MAST4: variants seen among roughly 807,000 people sequenced by gnomAD.
The protein encoded by MAST4 is microtubule associated serine/threonine kinase family member 4.
MAST4 carries 89 observed loss-of-function variants against 162.7 expected under a neutral mutation model. That is an observed-to-expected ratio of 0.55 (90% confidence interval 0.46 to 0.65). MAST4 has a LOEUF of 0.65. Among genes scored for constraint, MAST4 ranks in the 30% least tolerant of loss-of-function variants. The pLI is 0.00. For missense variants in MAST4, 3,153 were observed against 3,374.0 expected, an observed-to-expected ratio of 0.93 and a Z score of 1.62; for synonymous variants, 1,479 against 1,361.1, an observed-to-expected ratio of 1.09 and a Z score of -1.91.
chr5:66,760,228 G>C (rs1753782026), intron 2 of MAST4, among the ~76,000 whole-genome samples: 1 of 110,194 alleles, frequency 9.1e-6, no homozygotes, highest in Admixed American at 9.0e-5. Flanking sequence ...CGATTCTCCT[G>C]CCTCAGCCTC....
At chr5:66,969,511 A>T (rs1006048793) in intron 4 of MAST4, among the ~76,000 whole-genome samples, 3 of 152,206 alleles carry the variant, frequency 2.0e-5, no homozygotes, top group South Asian at 2.1e-4. Flanking sequence ...TGGTCCTAAG[A>T]GTGATGGGCA....
At chr5:66,700,055 G>A (rs1355171570) in intron 1 of MAST4, among the ~76,000 whole-genome samples, 2 of 148,292 alleles carry the variant, frequency 1.3e-5, no homozygotes, top group Non-Finnish European at 1.5e-5. Flanking sequence ...GACATTTTTG[G>A]TGTTGACTGC....
At chr5:66,913,720 G>A (rs1018214809) in intron 4 of MAST4, among the ~76,000 whole-genome samples, 2 of 152,268 alleles carry the variant, frequency 1.3e-5, no homozygotes, top group Admixed American at 6.5e-5. Context: ...CTAATCCAAA[G>A]TCACAAAGGT....
At position 66,652,193 on chromosome 5, in the gene MAST4, A is replaced by G. The variant is rs890236342; in HGVS notation, c.363+55175A>G. ...CAAAGAAGTTAAATTATTTGTTTCA[A>G]GCCCTGGGCACTAGCACACAATATA... is the stretch of plus-strand genomic sequence containing the variant. On this transcript the variant is annotated intron_variant, in intron 1 of 28. Transcript: ENST00000403625. 3.9e-5 allele frequency among the ~76,000 whole-genome samples: 6 copies of G among 152,292 alleles called. No individual in the cohort carries two copies. In the South Asian group the frequency reaches 1.2e-3, roughly 32 times the overall value.
intron 4 of MAST4, among the ~76,000 whole-genome samples, chr5:66,968,439 T>C (rs146978760): frequency 5.9e-5 from 9 of 152,326 alleles, no homozygotes; most frequent in African/African-American, 1.9e-4. Context: ...AAAACACACA[T>C]GCCATGTTGC....
chr5:66,870,149 A>G (rs182720059), intron 3 of MAST4, among the ~76,000 whole-genome samples: 60 of 152,256 alleles, frequency 3.9e-4, no homozygotes, highest in African/African-American at 1.4e-3. Context: ...AGGAGAGACC[A>G]CTCTTTTACA....
intron 10 of MAST4, among the ~76,000 whole-genome samples, chr5:67,109,047 T>G (rs953099966): frequency 1.3e-5 from 2 of 152,178 alleles, no homozygotes; most frequent in Non-Finnish European, 2.9e-5. Context: ...CAGATTCATC[T>G]GATTTTTTTC....
At chr5:67,027,116 A>G (rs1014260164) in intron 4 of MAST4, among the ~76,000 whole-genome samples, 1 of 152,174 alleles carries the variant, frequency 6.6e-6, no homozygotes, top group Non-Finnish European at 1.5e-5. Context: ...AAGGATATTT[A>G]TCTACATTTT....
At chr5:67,081,654 A>G (rs535482099) in intron 5 of MAST4, among the ~76,000 whole-genome samples, 5 of 152,318 alleles carry the variant, frequency 3.3e-5, no homozygotes, top group African/African-American at 1.2e-4. Context: ...CTTCACCACT[A>G]TGTAATATAT....
intron 4 of MAST4, chr5:67,002,027 T>C (rs945013360): frequency 4.6e-5 from 7 of 152,184 alleles, no homozygotes; most frequent in Non-Finnish European, 8.8e-5. Context: ...TAATATGTAA[T>C]TGTCCCTCTT....
intron 4 of MAST4, among the ~76,000 whole-genome samples, chr5:66,948,504 A>G (rs1216489782): frequency 2.0e-5 from 3 of 152,092 alleles, no homozygotes; most frequent in Non-Finnish European, 4.4e-5. Context: ...AAGCTTAGGT[A>G]GGGCACAGCA....
chr5:66,919,898 CT>C lies in MAST4; in HGVS notation c.674+19917del, dbSNP rs1764382303. On this transcript the variant is annotated intron_variant, in intron 4 of 28. Coordinates refer to ENST00000403625, the MANE Select transcript of MAST4 (RefSeq NM_001164664.2). ...TCGCTCTCTTTCTCTATTTTTCTCT[CT>C]CCTTCCTTCCTTCCTTCCTTCCTTC... Among the ~76,000 whole-genome samples the C allele has an allele frequency of 5.7e-3, 639 of 112,244 alleles. 9 individuals carry two copies. Among genetic ancestry groups the C allele is most frequent in the African/African-American group, 0.022 (615 of 27,374 alleles). 73.6% of individuals were successfully genotyped at this position (112,244 alleles called of 152,430 possible). A position where few individuals can be genotyped will look rare whatever the true frequency, so the allele number is the denominator to read the frequency against.
intron 4 of MAST4, among the ~76,000 whole-genome samples, chr5:66,924,656 G>A (rs1318036750): frequency 6.6e-6 from 1 of 152,150 alleles, no homozygotes; most frequent in Non-Finnish European, 1.5e-5. Flanking sequence ...GCCCCCCAAA[G>A]TGGTGGGATT....
rs988351603 is a variant in MAST4 at position 67,081,003 on chromosome 5, A to T, written c.764-9159A>T. 1.3e-3 allele frequency among the ~76,000 whole-genome samples: 170 copies of T among 132,058 alleles called. 1 individual carries two copies. Among genetic ancestry groups the T allele is most frequent in the Middle Eastern group, 3.7e-3 (1 of 268 alleles). The allele number at this position is 132,058 out of a possible 152,430, so 86.6% of individuals were successfully genotyped here. A position where few individuals can be genotyped will look rare whatever the true frequency, so the allele number is the denominator to read the frequency against. ...ATATATATAATTGTATATATTATAT[A>T]ATATAATATATAATTGTATATATTA... On this transcript the variant is annotated intron_variant, in intron 5 of 28. Transcript: ENST00000403625.
chr5:66,693,386 A>G (rs957808539), intron 1 of MAST4, among the ~76,000 whole-genome samples: 1 of 152,206 alleles, frequency 6.6e-6, no homozygotes, highest in African/African-American at 2.4e-5. Flanking sequence ...AGACTTTATT[A>G]TTTATCTTTG....
chr5:67,154,543 T>C (rs1265713983), intron 26 of MAST4, among the ~76,000 whole-genome samples: 1 of 152,264 alleles, frequency 6.6e-6, no homozygotes, highest in Non-Finnish European at 1.5e-5. Flanking sequence ...CCTAGAGGAC[T>C]CTGGCAAGGT....
intron 1 of MAST4, among the ~76,000 whole-genome samples, chr5:66,631,787 C>T (rs1744813615): frequency 6.6e-6 from 1 of 152,098 alleles, no homozygotes; most frequent in Non-Finnish European, 1.5e-5. Flanking sequence ...TTTTATTGTA[C>T]TCATTTAATT....
At position 66,919,382 on chromosome 5, in the gene MAST4, C is replaced by G. The variant is rs137947671; in HGVS notation, c.674+19400C>G. On this transcript the variant is annotated intron_variant, in intron 4 of 28. Coordinates refer to ENST00000403625, the MANE Select transcript of MAST4 (RefSeq NM_001164664.2). The stretch of plus-strand genomic sequence containing the variant: ...ATTCTAAAGAAGGTAATAAACAGGC[C>G]GGGCATGGTGGCTCACACCTGTAAT... Among the ~76,000 whole-genome samples the G allele has an allele frequency of 5.5e-3, 839 of 151,284 alleles. 11 individuals carry two copies. The highest frequency in any genetic ancestry group is 0.02 in the African/African-American group (813 of 41,220).
At chr5:66,882,865 A>G (rs890240267) in intron 3 of MAST4, among the ~76,000 whole-genome samples, 8 of 152,204 alleles carry the variant, frequency 5.3e-5, no homozygotes, top group Non-Finnish European at 1.0e-4. Context: ...TCTCAGCATC[A>G]GTTTCTACCG....
Sources: gnomAD v4.1 joint callset for allele counts (sites outside exome capture counted in the v4.1 genomes callset) on GRCh38, gnomAD v4.1.1 for gene constraint, MANE v1.5 for transcripts, NCBI Gene and HGNC (gene_info 2026-07-23, HGNC 2026-07-21) for gene names.